Variants in RNLS observed in about 807,000 individuals in gnomAD.
RNLS encodes the protein renalase.
In RNLS, 39 loss-of-function variants were observed where a neutral mutation model predicts 39.8. That is an observed-to-expected ratio of 0.98 (90% CI 0.76 to 1.28). The LOEUF (loss-of-function observed/expected upper bound fraction) is 1.28, where lower values mean the gene tolerates loss of function less well. RNLS is among the 50% of genes most tolerant of loss of function. The pLI is 0.00. For synonymous variants in RNLS, 147 were observed against 150.7 expected, an observed-to-expected ratio of 0.98 and a Z score of 0.18; for missense variants, 410 against 413.3, an observed-to-expected ratio of 0.99 and a Z score of 0.07.
chr10:88,224,388 A>G, the RNLS span, among the ~76,000 whole-genome samples: 7 of 152,210 alleles, frequency 4.6e-5, no homozygotes, highest in Non-Finnish European at 8.8e-5. Context: ...GGACGCATTC[A>G]GATCATAGCA....
intron 5 of RNLS, among the ~76,000 whole-genome samples, chr10:88,324,331 C>T (rs189121494): frequency 1.6e-4 from 24 of 150,494 alleles, no homozygotes; most frequent in Non-Finnish European, 3.1e-4. Flanking sequence ...GGGAATCAAG[C>T]TAAGTGTCCA....
the RNLS span, among the ~76,000 whole-genome samples, chr10:88,232,780 T>C: frequency 6.6e-6 from 1 of 152,360 alleles, no homozygotes; most frequent in Admixed American, 6.5e-5. Flanking sequence ...CTACAAGTGC[T>C]TGACAGCCTT....
the RNLS span, among the ~76,000 whole-genome samples, chr10:88,199,716 T>C: frequency 6.6e-6 from 1 of 152,106 alleles, no homozygotes; most frequent in Non-Finnish European, 1.5e-5. Flanking sequence ...TCTGACTCCA[T>C]TTTTGGTGAG....
intron 5 of RNLS, among the ~76,000 whole-genome samples, chr10:88,331,305 G>A (rs978118015): frequency 4.7e-4 from 72 of 152,254 alleles, no homozygotes; most frequent in African/African-American, 1.6e-3. Flanking sequence ...GTTCCCAAAG[G>A]CCAGCTCTAA....
At chr10:88,575,493 C>T (rs2134464554) in intron 3 of RNLS, among the ~76,000 whole-genome samples, 1 of 151,854 alleles carries the variant, frequency 6.6e-6, no homozygotes, top group East Asian at 1.9e-4. Flanking sequence ...TGGACACGCC[C>T]AAATCAAACA....
chr10:88,426,363 A>G (rs1321505381), intron 4 of RNLS, among the ~76,000 whole-genome samples: 1 of 152,046 alleles, frequency 6.6e-6, no homozygotes, highest in Non-Finnish European at 1.5e-5. Flanking sequence ...TATGTCTTCA[A>G]TATTGTAACA....
At chr10:88,447,359 T>A (rs191839212) in intron 4 of RNLS, among the ~76,000 whole-genome samples, 11 of 89,744 alleles carry the variant, frequency 1.2e-4, no homozygotes, top group African/African-American at 8.1e-4. Context: ...AGCATTCTTA[T>A]ACACCAATAA....
chr10:88,327,237 G>T (rs1474608225), intron 5 of RNLS, among the ~76,000 whole-genome samples: 1 of 152,126 alleles, frequency 6.6e-6, no homozygotes, highest in Non-Finnish European at 1.5e-5. Context: ...ATGAGATTTG[G>T]GAGGGGCCAG....
At chr10:88,244,049 A>G in the RNLS span, among the ~76,000 whole-genome samples, 1 of 152,184 alleles carries the variant, frequency 6.6e-6, no homozygotes, top group Non-Finnish European at 1.5e-5. Context: ...GCAAAATGGA[A>G]AGGCTGGTTT....
At chr10:88,383,159 T>C (rs1416785654) in intron 4 of RNLS, among the ~76,000 whole-genome samples, 1 of 152,094 alleles carries the variant, frequency 6.6e-6, no homozygotes, top group East Asian at 1.9e-4. Context: ...TTTGTTAGAA[T>C]AGAATCTGAA....
At chr10:88,321,619 C>T (rs1179176824) in intron 5 of RNLS, among the ~76,000 whole-genome samples, 1 of 151,880 alleles carries the variant, frequency 6.6e-6, no homozygotes, top group Non-Finnish European at 1.5e-5. Flanking sequence ...GGTGACATTA[C>T]AACTGATACT....
intron 4 of RNLS, among the ~76,000 whole-genome samples, chr10:88,495,772 C>A (rs904571132): frequency 6.6e-6 from 1 of 151,922 alleles, no homozygotes; most frequent in East Asian, 1.9e-4. Flanking sequence ...TAGGGCAAAG[C>A]CCAAGTGACA....
intron 5 of RNLS, among the ~76,000 whole-genome samples, chr10:88,330,800 A>C (rs72820003): frequency 0.015 from 2,357 of 152,244 alleles, 21 homozygotes; most frequent in Middle Eastern, 0.028. Context: ...AAATACAATA[A>C]TAATATTTAA....
At chr10:88,571,910 T>G (rs1234451055) in intron 4 of RNLS, among the ~76,000 whole-genome samples, 3 of 152,182 alleles carry the variant, frequency 2.0e-5, no homozygotes, top group Non-Finnish European at 4.4e-5. Flanking sequence ...CCCCAGCATT[T>G]CTGGCAGTAA....
the RNLS span, among the ~76,000 whole-genome samples, chr10:88,262,157 C>T: frequency 9.2e-5 from 14 of 152,090 alleles, no homozygotes; most frequent in South Asian, 2.1e-4. Context: ...GACTAGCAAA[C>T]GCCTTGTATA....
chr10:88,189,432 T>C, the RNLS span, among the ~76,000 whole-genome samples: 18 of 152,284 alleles, frequency 1.2e-4, no homozygotes, highest in Non-Finnish European at 1.6e-4. Flanking sequence ...AATTTTGCTA[T>C]ATAGAAAACT....
intron 4 of RNLS, among the ~76,000 whole-genome samples, chr10:88,425,448 C>T (rs1854689630): frequency 6.6e-6 from 1 of 152,030 alleles, no homozygotes; most frequent in Admixed American, 6.6e-5. Context: ...TGTCTTTGTC[C>T]TAATGTGTTT....
At chr10:88,260,510 C>A in the RNLS span, among the ~76,000 whole-genome samples, 1 of 152,134 alleles carries the variant, frequency 6.6e-6, no homozygotes, top group Admixed American at 6.6e-5. Flanking sequence ...CATCAAAGAA[C>A]AAATAAAGGG....
At chr10:88,205,879 TC>T in the RNLS span, among the ~76,000 whole-genome samples, 1 of 152,162 alleles carries the variant, frequency 6.6e-6, no homozygotes, top group African/African-American at 2.4e-5. Context: ...ATAGAAAATG[TC>T]CACTTCTCCA....
Sources: gnomAD v4.1 joint callset for allele counts (sites outside exome capture counted in the v4.1 genomes callset) on GRCh38, gnomAD v4.1.1 for gene constraint, MANE v1.5 for transcripts, NCBI Gene and HGNC (gene_info 2026-07-23, HGNC 2026-07-21) for gene names.